Variants in SORT1 observed in about 807,000 individuals in gnomAD.
SORT1 encodes sortilin.
A neutral mutation model predicts 101.7 loss-of-function variants in SORT1; 39 were observed. That is an observed-to-expected ratio of 0.38 (90% CI 0.30 to 0.50). The LOEUF is 0.50. Among genes scored for constraint, SORT1 ranks in the 20% least tolerant of loss-of-function variants. The pLI is 0.90. For synonymous variants in SORT1, 396 were observed against 393.7 expected (o/e 1.01, Z -0.07); for missense variants, 878 against 1,040.4 (o/e 0.84, Z 2.15).
intron 1 of SORT1, 97 bp downstream of exon 1, chr1:109,397,490 T>A: frequency 2.4e-6 from 2 of 840,398 alleles, no homozygotes; most frequent in South Asian, 1.1e-4. Flanking sequence ...GCGGCAGGGC[T>A]GGGGTCTCCT....
intron 15 of SORT1, among the ~76,000 whole-genome samples, chr1:109,319,866 C>CAA (rs574333925): frequency 1.5e-4 from 16 of 107,308 alleles, no homozygotes; most frequent in Non-Finnish European, 2.1e-4. Flanking sequence ...GACTCCGTCT[C>CAA]AAAAAAAAAA....
rs772025062 is a variant in SORT1 at position 109,355,448 on chromosome 1, A to G, written c.462T>C (p.Phe154=). The part of the protein sequence containing the change: ...LYRSEDYGKN[F]KDITDLINNT... ...TATTGATGAGATCTGTAATATCCTTAAAGTTCTTCCCATAATCCTCACTGA... is the reference window on the plus strand; with the variant it reads ...TATTGATGAGATCTGTAATATCCTTGAAGTTCTTCCCATAATCCTCACTGA... Residue 154 remains phenylalanine (F), a synonymous_variant, in exon 4 of 20, where the codon TTT becomes TTC. Coordinates refer to ENST00000256637, the MANE Select transcript of SORT1 (RefSeq NM_002959.7). 8.2e-6 allele frequency: 13 copies of G among 1,591,554 alleles called. No homozygotes were observed. In the South Asian group the frequency reaches 1.3e-4, roughly 16 times the overall value.
chr1:109,337,916 A>G lies in SORT1; in HGVS notation c.1265-1570T>C, dbSNP rs1415198546. 4.6e-5 allele frequency among the ~76,000 whole-genome samples: 7 copies of G among 152,208 alleles called. No homozygotes were observed. In the East Asian group the frequency reaches 1.3e-3, roughly 29 times the overall value. Reference sequence around the variant, plus strand: ...GCTAGGATTACACGCATGAGCCACTACACCCAGAGTGAAAACTTTTGTAAG... The same window carrying G: ...GCTAGGATTACACGCATGAGCCACTGCACCCAGAGTGAAAACTTTTGTAAG... On this transcript the variant is annotated intron_variant, in intron 10 of 19. Transcript: ENST00000256637.
chr1:109,346,629 C>T (rs1387012298), intron 7 of SORT1, among the ~76,000 whole-genome samples: 1 of 151,266 alleles, frequency 6.6e-6, no homozygotes, highest in Non-Finnish European at 1.5e-5. Flanking sequence ...TCTGTAGTCC[C>T]AGCTACACAG....
intron 1 of SORT1, among the ~76,000 whole-genome samples, chr1:109,382,412 A>C (rs1233598297): frequency 6.6e-6 from 1 of 152,208 alleles, no homozygotes; most frequent in Non-Finnish European, 1.5e-5. Context: ...CTGGGATTAC[A>C]GGTGTGAACC....
At position 109,322,996 on chromosome 1, in the gene SORT1, C is replaced by T. The variant is rs1647741899; in HGVS notation, c.1960G>A (p.Gly654Ser). 6.2e-7 allele frequency: 1 copy of T among 1,614,202 alleles called. No individual in the cohort carries two copies. Among genetic ancestry groups the T allele is most frequent in the Non-Finnish European group, 8.5e-7 (1 of 1,180,034 alleles). ...RLRKSSVCQN[G>S]RDYVVTKQPS... is the part of the protein sequence containing the mutation. The stretch of plus-strand genomic sequence containing the variant: ...TGCTTGGTCACAACATAGTCTCGAC[C>T]ATTCTGACACACGGATGACTTGCGT... The change falls in exon 15 of 20, where the codon GGT becomes AGT. Residue 654 changes from glycine (G) to serine (S), a missense_variant. By Grantham distance (56) the Gly-to-Ser change is moderately conservative. Around this residue, in one of 2 missense-constraint regions of SORT1, gnomAD observed 684 missense variants for 894.5 expected, o/e 0.76. Coordinates refer to ENST00000256637, the MANE Select transcript of SORT1 (RefSeq NM_002959.7).
intron 10 of SORT1, among the ~76,000 whole-genome samples, chr1:109,339,390 G>A (rs1431001138): frequency 1.3e-5 from 2 of 152,186 alleles, no homozygotes; most frequent in African/African-American, 2.4e-5. Context: ...AGCACCAGAG[G>A]AGCATCAGTG....
chr1:109,397,697 C>A lies in SORT1; in HGVS notation c.196G>T (p.Gly66Trp), dbSNP rs1653278998. The A allele has an allele frequency of 1.7e-6, 2 of 1,190,116 alleles. No homozygotes were observed. Among genetic ancestry groups the A allele is most frequent in the Admixed American group, 4.8e-5 (1 of 20,768 alleles). The allele number at this position is 1,190,116 out of a possible 1,614,324, so 73.7% of individuals were successfully genotyped here. A position where few individuals can be genotyped will look rare whatever the true frequency, so the allele number is the denominator to read the frequency against. ...VSWGLRAAAA[G>W]GAFPRGGRWR... ...CGGCCGCCGCGGGGAAACGCGCCCC[C>A]GGCTGCGGCCGCCCGCAGCCCCCAG... is the stretch of plus-strand genomic sequence containing the variant. Residue 66 changes from glycine (G) to tryptophan (W), a missense_variant, in exon 1 of 20, where the codon GGG becomes TGG. Gly to Trp is a radical substitution (Grantham distance 184). Transcript: ENST00000256637.
At chr1:109,387,488 T>C (rs1017991780) in intron 1 of SORT1, among the ~76,000 whole-genome samples, 4 of 151,952 alleles carry the variant, frequency 2.6e-5, no homozygotes, top group Non-Finnish European at 4.4e-5. Flanking sequence ...GTAAAGACCA[T>C]GTCTCTTAAA....
intron 17 of SORT1, 34 bp downstream of exon 17, chr1:109,316,816 T>A: frequency 7.5e-7 from 1 of 1,329,878 alleles, no homozygotes; most frequent in Non-Finnish European, 1.1e-6. Context: ...CAAAATCCCA[T>A]TTGTACCTGA....
intron 9 of SORT1, among the ~76,000 whole-genome samples, chr1:109,341,592 G>A (rs1209552771): frequency 6.6e-5 from 10 of 152,062 alleles, no homozygotes. Flanking sequence ...CTCGTGATCT[G>A]CCCGCCTCAG....
intron 15 of SORT1, among the ~76,000 whole-genome samples, chr1:109,319,001 C>T (rs1345271862): frequency 1.3e-5 from 2 of 152,176 alleles, no homozygotes; most frequent in African/African-American, 4.8e-5. Flanking sequence ...TGATCTCAAA[C>T]TCCTGAGCTC....
At chr1:109,326,001 CAATAAATA>C (rs949984940) in intron 13 of SORT1, among the ~76,000 whole-genome samples, 22 of 150,252 alleles carry the variant, frequency 1.5e-4, no homozygotes, top group African/African-American at 3.9e-4. Context: ...AACTCCATCT[CAATAAATA>C]AATAAATAAA....
intron 7 of SORT1, among the ~76,000 whole-genome samples, chr1:109,346,749 A>G (rs1649633182): frequency 6.6e-6 from 1 of 151,660 alleles, no homozygotes; most frequent in Non-Finnish European, 1.5e-5. Context: ...CGTCTCAAAA[A>G]AAAAAAAAAA....
chr1:109,391,370 G>A (rs1057234027), intron 1 of SORT1, among the ~76,000 whole-genome samples: 4 of 152,250 alleles, frequency 2.6e-5, no homozygotes, highest in South Asian at 4.1e-4. Context: ...AATCAGCCAG[G>A]AAAACATTTG....
At chr1:109,318,007 C>T (rs749297798) in intron 15 of SORT1, 38 bp from the exon 16 acceptor site, 1 of 1,326,482 alleles carries the variant, frequency 7.5e-7, no homozygotes, top group East Asian at 2.3e-5. Flanking sequence ...TTCAAAGCAG[C>T]TGGAAGACCG....
chr1:109,367,367 GTTACTTAGTGAA>G (rs771163799), intron 3 of SORT1, 29 bp downstream of exon 3: 4 of 1,124,810 alleles, frequency 3.6e-6, no homozygotes, highest in Non-Finnish European at 5.3e-6. Context: ...TATTCTCAAT[GTTACTTAGTGAA>G]ATGCTCCAAC....
chr1:109,346,315 A>T (rs960705728), intron 7 of SORT1, among the ~76,000 whole-genome samples: 4 of 121,654 alleles, frequency 3.3e-5, no homozygotes, highest in African/African-American at 9.8e-5. Flanking sequence ...TCCGTCTCAT[A>T]AAAAAAAAAA....
Position 109,313,990 on chromosome 1 carries a change from G to A in SORT1, c.*53C>T, listed in dbSNP as rs1557774672. On this transcript the variant is annotated 3_prime_UTR_variant, in exon 20 of 20. Coordinates refer to ENST00000256637, the MANE Select transcript of SORT1 (RefSeq NM_002959.7). Reference sequence around the variant, plus strand: ...TCCTGAAGTTGGAGCCACAGGGAGTGTAAGAGGTACTGTGGTTCCACCATC... The same window carrying A: ...TCCTGAAGTTGGAGCCACAGGGAGTATAAGAGGTACTGTGGTTCCACCATC... 1 of 1,565,560 alleles carries A rather than the reference G, an allele frequency of 6.4e-7. No homozygotes were observed. The highest frequency in any genetic ancestry group is 8.8e-7 in the Non-Finnish European group (1 of 1,136,152).
Sources: allele counts gnomAD v4.1 joint callset (sites outside exome capture counted in the v4.1 genomes callset), GRCh38; gene constraint gnomAD v4.1.1; regional missense constraint gnomAD v4.1.1; transcripts MANE v1.5; gene names NCBI Gene and HGNC (gene_info 2026-07-23, HGNC 2026-07-21).